GRAMD1B: variants seen among roughly 807,000 people sequenced by gnomAD.
GRAMD1B encodes the protein GRAM domain containing 1B.
Under a neutral mutation model 99.7 loss-of-function variants are expected in GRAMD1B, and 37 were observed. The ratio of observed to expected loss-of-function variants is 0.37; its 90% CI spans 0.29 to 0.49. The LOEUF is 0.49. Among genes scored for constraint, GRAMD1B ranks in the 20% least tolerant of loss-of-function variants. GRAMD1B has a pLI of 0.98. For missense variants in GRAMD1B, 888 were observed against 1,009.2 expected (o/e 0.88, Z 1.63); for synonymous variants, 427 against 387.6 (o/e 1.10, Z -1.19).
intron 7 of GRAMD1B, chr11:123,597,817 A>G: frequency 1.6e-6 from 1 of 621,334 alleles, no homozygotes; most frequent in Non-Finnish European, 2.9e-6. Flanking sequence ...TGTTTCTACA[A>G]GTTGCATGCT....
At position 123,600,473 on chromosome 11, in the gene GRAMD1B, C is replaced by T. The variant is rs2136705229; in HGVS notation, c.975C>T (p.Phe325=). The T allele has an allele frequency of 6.2e-7, 1 of 1,601,800 alleles. No individual in the cohort carries two copies. Among genetic ancestry groups the T allele is most frequent in the South Asian group, 1.1e-5 (1 of 90,386 alleles). Residue 325 remains phenylalanine, a synonymous_variant, in exon 8 of 20, where the codon TTC becomes TTT. Coordinates refer to ENST00000635736, the MANE Select transcript of GRAMD1B (RefSeq NM_001387025.1). ...IQVCTDSEKH[F]FTSFGARDRT... The stretch of plus-strand genomic sequence containing the variant: ...TATTTTCTTTTCCAATCTAGCACTT[C>T]TTCACTTCGTTTGGGGCCCGGGATA...
chr11:123,422,949 TC>T (rs34910837), intron 1 of GRAMD1B, among the ~76,000 whole-genome samples: 95,696 of 151,620 alleles, frequency 0.63, 30,372 homozygotes, highest in African/African-American at 0.69. Flanking sequence ...CTTCCTCCCT[TC>T]CCCCAGATTT....
intron 6 of GRAMD1B, 79 bp from the exon 7 acceptor site, chr11:123,595,863 C>T (rs564825744): frequency 1.1e-5 from 8 of 720,822 alleles, no homozygotes; most frequent in Non-Finnish European, 1.9e-5. Context: ...TCTACACTGG[C>T]GCCCCCTGAA....
At chr11:123,456,248 C>G (rs1224300121) in intron 1 of GRAMD1B, among the ~76,000 whole-genome samples, 1 of 152,156 alleles carries the variant, frequency 6.6e-6, no homozygotes, top group East Asian at 1.9e-4. Context: ...CAACTGTTAA[C>G]AGTTATCCTT....
In GRAMD1B at chr11:123,618,814, C is replaced by T. The variant is rs759768278; in HGVS notation, c.2426+14C>T. ...GCTCCAAGAAAGGTAATCCTGGCCT[C>T]GTCCCCTCACCTCCACCTTCATCCC... is the stretch of plus-strand genomic sequence containing the variant. On this transcript the variant is annotated intron_variant, in intron 18 of 19. Transcript: ENST00000635736. 9 of 1,301,122 alleles carry T rather than the reference C, an allele frequency of 6.9e-6. No homozygotes were observed. The highest frequency in any genetic ancestry group is 2.9e-5 in the African/African-American group (2 of 68,310). 80.6% of individuals were successfully genotyped at this position (1,301,122 alleles called of 1,614,324 possible). A position where few individuals can be genotyped will look rare whatever the true frequency, so the allele number is the denominator to read the frequency against.
At chr11:123,429,769 C>T (rs544325739), upstream of GRAMD1B, among the ~76,000 whole-genome samples, 1 of 152,082 alleles carries the variant, frequency 6.6e-6, no homozygotes, top group African/African-American at 2.4e-5. The surrounding 1 kb of genome is among the most constrained non-coding windows in gnomAD (Gnocchi z 4.0). Context: ...GGAGAACTGT[C>T]CTCTTCTCAG....
chr11:123,559,555 G>A (rs1946479525), intron 2 of GRAMD1B: 1 of 301,026 alleles, frequency 3.3e-6, no homozygotes, highest in Non-Finnish European at 4.9e-6. Context: ...AGAATACCTC[G>A]CACTGCCAGA....
chr11:123,409,001 GTTATTATTAT>G (rs1457491299), intron 1 of GRAMD1B, among the ~76,000 whole-genome samples: 1 of 152,122 alleles, frequency 6.6e-6, no homozygotes, highest in Non-Finnish European at 1.5e-5. Context: ...TCTTTTTTAT[GTTATTATTAT>G]TTACCCAGAG....
At chr11:123,428,961 G>A (rs1031033921), upstream of GRAMD1B, among the ~76,000 whole-genome samples, 1 of 152,208 alleles carries the variant, frequency 6.6e-6, no homozygotes, top group African/African-American at 2.4e-5. Flanking sequence ...GGAGGCCAAG[G>A]TGGGCAGATC....
At chr11:123,583,454 A>G (rs192206092) in intron 3 of GRAMD1B, among the ~76,000 whole-genome samples, 3,405 of 151,846 alleles carry the variant, frequency 0.022, 53 homozygotes, top group African/African-American at 0.046. Context: ...GTGTATGTGT[A>G]TGAGTATGTG....
chr11:123,385,065 T>A (rs1373388004), intron 1 of GRAMD1B, among the ~76,000 whole-genome samples: 1 of 152,230 alleles, frequency 6.6e-6, no homozygotes, highest in Non-Finnish European at 1.5e-5. Context: ...TCAAATTCAA[T>A]TCATCTGACC....
chr11:123,583,346 C>T (rs1208687924), intron 3 of GRAMD1B, among the ~76,000 whole-genome samples: 2 of 129,034 alleles, frequency 1.5e-5, no homozygotes, highest in African/African-American at 3.0e-5. Flanking sequence ...GTGGTGTGCA[C>T]GTGTGCATGT....
At chr11:123,513,506 C>T (rs895119309) in intron 2 of GRAMD1B, among the ~76,000 whole-genome samples, 1 of 148,768 alleles carries the variant, frequency 6.7e-6, no homozygotes, top group African/African-American at 2.6e-5. Context: ...CTCCCTCTCT[C>T]TTTCTTTCTT....
intron 19 of GRAMD1B, chr11:123,619,621 C>T (rs1954870203): frequency 1.3e-6 from 1 of 748,558 alleles, no homozygotes; most frequent in African/African-American, 1.9e-5. Context: ...GTTTACCGCC[C>T]CCTCCTCTGA....
At chr11:123,488,310 G>GA (rs1442701611) in intron 2 of GRAMD1B, among the ~76,000 whole-genome samples, 1 of 152,134 alleles carries the variant, frequency 6.6e-6, no homozygotes, top group African/African-American at 2.4e-5. Flanking sequence ...ATTCTTGTGA[G>GA]AAAAATCACA....
intron 1 of GRAMD1B, among the ~76,000 whole-genome samples, chr11:123,405,434 A>G (rs61904739): frequency 0.14 from 21,415 of 152,114 alleles, 2,189 homozygotes; most frequent in African/African-American, 0.3. Context: ...CGGGAGATAA[A>G]GACTTGCTAT....
At chr11:123,577,313 C>G in intron 2 of GRAMD1B, 54 bp from the exon 3 acceptor site, 4 of 1,429,868 alleles carry the variant, frequency 2.8e-6, no homozygotes, top group Non-Finnish European at 3.9e-6. Context: ...GACTGCCTGC[C>G]TTTCCTCCTC....
At chr11:123,387,701 G>A (rs1591403096) in intron 1 of GRAMD1B, among the ~76,000 whole-genome samples, 1 of 151,956 alleles carries the variant, frequency 6.6e-6, no homozygotes, top group East Asian at 1.9e-4. Context: ...ACAAGCATCA[G>A]CCTGCCCCTG....
Position 123,468,756 on chromosome 11 carries a change from C to A in GRAMD1B, c.375-12060C>A, listed in dbSNP as rs566555374. Among the ~76,000 whole-genome samples, 4 of 141,746 alleles carry A rather than the reference C, an allele frequency of 2.8e-5. No individual in the cohort carries two copies. The South Asian group carries it at 8.8e-4, about 31-fold the overall frequency. 93.0% of individuals were successfully genotyped at this position (141,746 alleles called of 152,430 possible). ...AGGTTGCAGTGAGCCAAGATCCTGC[C>A]ACTGCATCCAGCCAGGGTGACAGAT... On this transcript the variant is annotated intron_variant, in intron 1 of 19. Coordinates refer to ENST00000635736, the MANE Select transcript of GRAMD1B (RefSeq NM_001387025.1).
Sources: allele counts gnomAD v4.1 joint callset (sites outside exome capture counted in the v4.1 genomes callset), GRCh38; gene constraint gnomAD v4.1.1; non-coding constraint Gnocchi (gnomAD v3.1); transcripts MANE v1.5; gene names NCBI Gene and HGNC (gene_info 2026-07-23, HGNC 2026-07-21).